TRMT13: variants seen among roughly 807,000 people sequenced by gnomAD.
TRMT13 encodes tRNA methyltransferase 13, also known as tRNA:m(4)X modification enzyme TRM13 homolog.
In TRMT13, 45 loss-of-function variants were observed where a neutral mutation model predicts 55.9. That is an observed-to-expected ratio of 0.80 (90% CI 0.63 to 1.03). TRMT13 has a LOEUF of 1.03. Ranked by LOEUF, TRMT13 falls within the 50% of genes least tolerant of loss-of-function variation. The pLI is 0.00. For synonymous variants in TRMT13, 183 were observed against 196.3 expected, an observed-to-expected ratio of 0.93 and a Z score of 0.57; for missense variants, 513 against 563.9, an observed-to-expected ratio of 0.91 and a Z score of 0.91.
At chr1:100,133,852 C>T (rs887814569) in intron 1 of TRMT13, among the ~76,000 whole-genome samples, 1 of 152,074 alleles carries the variant, frequency 6.6e-6, no homozygotes, top group Non-Finnish European at 1.5e-5. Flanking sequence ...TCGAGACCAG[C>T]CTGGCCAACA....
chr1:100,137,018 G>A lies in TRMT13; in HGVS notation c.195-1G>A. On this transcript the variant is annotated splice_acceptor_variant, in intron 2 of 10. Transcript: ENST00000370141. LOFTEE classifies it high-confidence loss of function. ...TGAAATAATTTTCTCTTTAAATTTA[G>A]CACAGTATATGAAGATCAACTAGCA... 6.2e-7 allele frequency: 1 copy of A among 1,608,448 alleles called. No individual in the cohort carries two copies. The highest frequency in any genetic ancestry group is 8.5e-7 in the Non-Finnish European group (1 of 1,178,362).
chr1:100,133,296 A>G lies in TRMT13; in HGVS notation c.128A>G (p.Glu43Gly), dbSNP rs1655279737. The G allele has an allele frequency of 6.2e-7, 1 of 1,613,940 alleles. No individual in the cohort carries two copies. The highest frequency in any genetic ancestry group is 8.5e-7 in the Non-Finnish European group (1 of 1,180,014). Residue 43 changes from glutamate to glycine, a missense_variant, in exon 1 of 11, where the codon GAA (glutamate) becomes GGA (glycine). Physicochemically the swap from Glu to Gly is moderately conservative, Grantham distance 98. Around this residue, in one of 3 missense-constraint regions of TRMT13, gnomAD observed 298 missense variants for 290.3 expected, o/e 1.03. Transcript: ENST00000370141. ...VVAAGKRFCG[E>G]HAGAAEEEDA... The stretch of plus-strand genomic sequence containing the variant: ...GCCGCAGGGAAAAGATTTTGTGGTG[A>G]ACACGCTGGAGCCGCGGAGGTGTGG...
chr1:100,149,221 G>C lies in TRMT13; in HGVS notation c.*401G>C. 6.7e-7 allele frequency: 1 copy of C among 1,492,772 alleles called. No homozygotes were observed. 92.5% of individuals were successfully genotyped at this position (1,492,772 alleles called of 1,614,324 possible). A position where few individuals can be genotyped will look rare whatever the true frequency, so the allele number is the denominator to read the frequency against. On this transcript the variant is annotated 3_prime_UTR_variant, in exon 11 of 11. Transcript: ENST00000370141. ...TTCTTAAGTTCAAGAGGTAGTGATT[G>C]ATTGTAACAAGGGCCAATCTGAGAA...
At position 100,149,616 on chromosome 1, in the gene TRMT13, T is replaced by C. The variant is rs536945573; in HGVS notation, c.*796T>C. 1 of 486,756 alleles carries C rather than the reference T, an allele frequency of 2.1e-6. No homozygotes were observed. Among genetic ancestry groups the C allele is most frequent in the East Asian group, 4.0e-5 (1 of 25,280 alleles). The allele number at this position is 486,756 out of a possible 1,614,324, so 30.2% of individuals were successfully genotyped here. On this transcript the variant is annotated 3_prime_UTR_variant, in exon 11 of 11. Transcript: ENST00000370141. ...TATATATGTAGGCACAAACAATAAG[T>C]ATGTTCTCTTCTGTTTGGGAAAATA...
chr1:100,142,816 A>G (rs907986493), intron 7 of TRMT13: 1 of 271,202 alleles, frequency 3.7e-6, no homozygotes, highest in Non-Finnish European at 7.0e-6. Context: ...CAAAAATAGT[A>G]CACCAGGAGT....
At chr1:100,143,609 T>C (rs1656881534) in intron 8 of TRMT13, among the ~76,000 whole-genome samples, 1 of 152,200 alleles carries the variant, frequency 6.6e-6, no homozygotes, top group Non-Finnish European at 1.5e-5. Context: ...GTGTAAAAGA[T>C]ACTTCCTAGA....
chr1:100,148,042 G>C lies in TRMT13; in HGVS notation c.966G>C (p.Glu322Asp). Residue 322 changes from glutamate to aspartate, a missense_variant, in exon 10 of 11, where the codon GAG becomes GAC. This residue lies in a region of TRMT13 where 209 missense variants were observed against 255.8 expected (regional missense o/e 0.82). Coordinates refer to ENST00000370141, the MANE Select transcript of TRMT13 (RefSeq NM_019083.3). ...AKEGNEKNVP[E>D]KWNPVAGIVI... ...AAGGAAATGAAAAAAATGTCCCAGA[G>C]AAGTGGAACCCTGTGGCTGGCATTG... The C allele has an allele frequency of 6.2e-7, 1 of 1,614,208 alleles. No homozygotes were observed. The highest frequency in any genetic ancestry group is 8.5e-7 in the Non-Finnish European group (1 of 1,180,032).
intron 6 of TRMT13, 64 bp downstream of exon 6, chr1:100,140,578 T>C (rs781402159): frequency 4.3e-5 from 52 of 1,209,498 alleles, no homozygotes; most frequent in Non-Finnish European, 5.5e-5. Flanking sequence ...CTGTTTTAAA[T>C]GTAATTATTA....
chr1:100,148,753 T>A lies in TRMT13; in HGVS notation c.1379T>A (p.Val460Glu). The A allele has an allele frequency of 6.4e-7, 1 of 1,572,698 alleles. No individual in the cohort carries two copies. The highest frequency in any genetic ancestry group is 8.6e-7 in the Non-Finnish European group (1 of 1,163,358). Residue 460 changes from valine to glutamate, a missense_variant, in exon 11 of 11, where the codon GTG (valine) becomes GAG (glutamate). Physicochemically the swap from Val to Glu is moderately radical, Grantham distance 121 (BLOSUM62 -2). Around this residue, in one of 3 missense-constraint regions of TRMT13, gnomAD observed 209 missense variants for 255.8 expected, o/e 0.82. Transcript: ENST00000370141. ...TTGCAGTACTATACAGACCCTCTGGTGTCTTTGGAAAATGTTTTGTTAACT... is the reference window on the plus strand; with the variant it reads ...TTGCAGTACTATACAGACCCTCTGGAGTCTTTGGAAAATGTTTTGTTAACT... ...PALQYYTDPL[V>E]SLENVLLTAL...
rs770886383 is a variant in TRMT13, at chr1:100,148,052, C to T, written c.976C>T (p.Pro326Ser). The T allele has an allele frequency of 6.2e-7, 1 of 1,614,158 alleles. No individual in the cohort carries two copies. Among genetic ancestry groups the T allele is most frequent in the Admixed American group, 1.7e-5 (1 of 60,020 alleles). ...NEKNVPEKWN[P>S]VAGIVIALCC... is the part of the protein sequence containing the mutation. ...AAAAAATGTCCCAGAGAAGTGGAACCCTGTGGCTGGCATTGTTATTGCACT... is the reference window on the plus strand; with the variant it reads ...AAAAAATGTCCCAGAGAAGTGGAACTCTGTGGCTGGCATTGTTATTGCACT... The change falls in exon 10 of 11, where the codon CCT (proline) becomes TCT (serine). Residue 326 changes from proline to serine, a missense_variant. Pro to Ser is a moderately conservative substitution (Grantham distance 74). Coordinates refer to ENST00000370141, the MANE Select transcript of TRMT13 (RefSeq NM_019083.3).
intron 3 of TRMT13, among the ~76,000 whole-genome samples, chr1:100,138,071 T>G (rs1656113725): frequency 1.3e-5 from 2 of 152,184 alleles, no homozygotes; most frequent in South Asian, 4.1e-4. Context: ...TGGGTGAGTT[T>G]CACTGCATAC....
chr1:100,149,236 C>T lies in TRMT13; in HGVS notation c.*416C>T, dbSNP rs907264472. On this transcript the variant is annotated 3_prime_UTR_variant, in exon 11 of 11. Transcript: ENST00000370141. ...GGTAGTGATTGATTGTAACAAGGGC[C>T]AATCTGAGAATTTGACTTATATGTG... 1 of 1,494,870 alleles carries T rather than the reference C, an allele frequency of 6.7e-7. No homozygotes were observed. Among genetic ancestry groups the T allele is most frequent in the African/African-American group, 1.4e-5 (1 of 69,384 alleles). The allele number at this position is 1,494,870 out of a possible 1,614,324, so 92.6% of individuals were successfully genotyped here. A position where few individuals can be genotyped will look rare whatever the true frequency, so the allele number is the denominator to read the frequency against.
At chr1:100,144,202 C>T in intron 9 of TRMT13, 59 bp downstream of exon 9, 1 of 1,268,538 alleles carries the variant, frequency 7.9e-7, no homozygotes, top group Non-Finnish European at 1.1e-6. Context: ...CTAACCTGGC[C>T]CCAACCATTT....
intron 3 of TRMT13, among the ~76,000 whole-genome samples, chr1:100,138,943 G>T (rs76811386): frequency 6.6e-6 from 1 of 152,142 alleles, no homozygotes; most frequent in Non-Finnish European, 1.5e-5. Context: ...AGACTAGAAA[G>T]ATTTCATTAT....
chr1:100,136,391 T>C (rs1252924782), intron 1 of TRMT13, among the ~76,000 whole-genome samples: 1 of 152,180 alleles, frequency 6.6e-6, no homozygotes, highest in Non-Finnish European at 1.5e-5. Context: ...CATTCCACAA[T>C]GTATACATAT....
chr1:100,136,258 TTTA>T (rs1655847815), intron 1 of TRMT13, among the ~76,000 whole-genome samples: 1 of 152,224 alleles, frequency 6.6e-6, no homozygotes, highest in Non-Finnish European at 1.5e-5. Context: ...TCTAAGAAAC[TTTA>T]TTTTTACATT....
At position 100,149,201 on chromosome 1, in the gene TRMT13, A is replaced by G. The variant is rs900914416; in HGVS notation, c.*381A>G. The G allele has an allele frequency of 1.3e-6, 2 of 1,492,266 alleles. No homozygotes were observed. Among genetic ancestry groups the G allele is most frequent in the East Asian group, 2.6e-5 (1 of 38,724 alleles). The allele number at this position is 1,492,266 out of a possible 1,614,324, so 92.4% of individuals were successfully genotyped here. ...TTTTATTTAATATTTTTTATTTCTT[A>G]AGTTCAAGAGGTAGTGATTGATTGT... On this transcript the variant is annotated 3_prime_UTR_variant, in exon 11 of 11. Transcript: ENST00000370141.
At chr1:100,134,490 A>G (rs772162351) in intron 1 of TRMT13, among the ~76,000 whole-genome samples, 12 of 152,082 alleles carry the variant, frequency 7.9e-5, no homozygotes, top group Non-Finnish European at 4.4e-5. Flanking sequence ...TTCATCTGCC[A>G]CTCTCCATCA....
At position 100,143,119 on chromosome 1, in the gene TRMT13, AATG is replaced by A. The variant is rs1656818581; in HGVS notation, c.670-17_670-15del. 6.4e-7 allele frequency: 1 copy of A among 1,568,450 alleles called. No homozygotes were observed. Among genetic ancestry groups the A allele is most frequent in the African/African-American group, 1.4e-5 (1 of 73,982 alleles). On this transcript the variant is annotated splice_polypyrimidine_tract_variant and intron_variant, in intron 7 of 10. Transcript: ENST00000370141. Reference sequence around the variant, plus strand: ...AAATGTAAGAAGTGATTATTACAATAATGTTCTGTTTGTGCAGGTGGATGGAAA... The same window carrying A: ...AAATGTAAGAAGTGATTATTACAATATTCTGTTTGTGCAGGTGGATGGAAA...
Sources: allele counts gnomAD v4.1 joint callset (sites outside exome capture counted in the v4.1 genomes callset), GRCh38; gene constraint gnomAD v4.1.1; regional missense constraint gnomAD v4.1.1; transcripts MANE v1.5; gene names NCBI Gene and HGNC (gene_info 2026-07-23, HGNC 2026-07-21).